Variants in GPX4 observed in about 807,000 individuals in gnomAD.
GPX4 encodes the protein phospholipid hydroperoxide glutathione peroxidase GPX4.
In GPX4, 28 loss-of-function variants were observed where a neutral mutation model predicts 27.8. The ratio of observed to expected loss-of-function variants is 1.01; its 90% CI spans 0.75 to 1.38. The LOEUF is 1.38. Among genes scored for constraint, GPX4 ranks in the 40% most tolerant of loss-of-function variants. The pLI is 0.00. For synonymous variants in GPX4, 163 were observed against 107.8 expected (o/e 1.51, Z -3.17); for missense variants, 357 against 274.1 (o/e 1.30, Z -2.14).
intron 4 of GPX4, 42 bp downstream of exon 4, chr19:1,105,851 TGG>T (rs762541815): frequency 8.5e-5 from 18 of 211,714 alleles, no homozygotes; most frequent in South Asian, 6.9e-4. Context: ...GGGGTGGGGG[TGG>T]GGGGGCTGCT....
intron 5 of GPX4, 56 bp from the exon 6 acceptor site, chr19:1,106,344 G>A (rs1414212870): frequency 4.3e-6 from 7 of 1,610,838 alleles, no homozygotes; most frequent in South Asian, 1.1e-5. Flanking sequence ...GACAGGAAGG[G>A]CAGCCTCAGC....
intron 1 of GPX4, chr19:1,104,591 C>A: frequency 2.1e-6 from 2 of 974,106 alleles, no homozygotes; most frequent in Non-Finnish European, 2.4e-6. Flanking sequence ...GGATCACGCG[C>A]CCCCGGGCGC....
rs1462014934 is a variant in GPX4, at chr19:1,106,086, C to T, written c.477-156C>T. On this transcript the variant is annotated intron_variant, in intron 4 of 6. Transcript: ENST00000354171. ...CTGTTGGGACTCTCACACTGCATGG[C>T]CTCCTGGGGTAAGATGGCTCTGGGG... The T allele has an allele frequency of 2.0e-5, 14 of 717,190 alleles. No individual in the cohort carries two copies. In the East Asian group the frequency reaches 2.5e-4, roughly 13 times the overall value. 44.4% of individuals were successfully genotyped at this position (717,190 alleles called of 1,614,324 possible).
intron 1 of GPX4, chr19:1,104,739 G>A: frequency 1.0e-6 from 1 of 985,740 alleles, no homozygotes; most frequent in Non-Finnish European, 1.2e-6. Context: ...GCGGGTATGG[G>A]CCGCGCGGGC....
rs771277721 is a variant in GPX4 at position 1,105,845 on chromosome 19, TG to T, written c.476+41del. The T allele has an allele frequency of 3.3e-4, 30 of 92,042 alleles. No homozygotes were observed. The African/African-American group carries it at 6.8e-3, about 21-fold the overall frequency. 5.7% of individuals were successfully genotyped at this position (92,042 alleles called of 1,614,324 possible). ...TCTGGGGACAGTACGGCTGCTGGGG[TG>T]GGGGTGGGGGGGCTGCTGGGATGCT... On this transcript the variant is annotated intron_variant, in intron 4 of 6. Transcript: ENST00000354171.
intron 4 of GPX4, 109 bp downstream of exon 4, chr19:1,105,918 G>A (rs1310536169): frequency 1.8e-5 from 24 of 1,331,030 alleles, no homozygotes; most frequent in African/African-American, 4.4e-5. Context: ...GGGCGGTTGC[G>A]GGGAGGTGCT....
chr19:1,105,811 T>C lies in GPX4; in HGVS notation c.476+2T>C. 8.0e-7 allele frequency: 1 copy of C among 1,251,532 alleles called. No individual in the cohort carries two copies. Among genetic ancestry groups the C allele is most frequent in the Non-Finnish European group, 1.1e-6 (1 of 952,338 alleles). 77.5% of individuals were successfully genotyped at this position (1,251,532 alleles called of 1,614,324 possible). A position where few individuals can be genotyped will look rare whatever the true frequency, so the allele number is the denominator to read the frequency against. ...CAAGGGCAAGGGCATCCTGGGAAAG[T>C]GCGTGACCTCTGGGGACAGTACGGC... On this transcript the variant is annotated splice_donor_variant, in intron 4 of 6. Transcript: ENST00000354171. LOFTEE classifies it high-confidence loss of function.
intron 6 of GPX4, 28 bp from the exon 7 acceptor site, chr19:1,106,512 G>A (rs2079659486): frequency 6.2e-7 from 1 of 1,611,052 alleles, no homozygotes; most frequent in South Asian, 1.1e-5. Context: ...GGAGGTAGCT[G>A]CCCTAACCCA....
In GPX4 at chr19:1,105,455, A is replaced by T. The variant is rs762088801; in HGVS notation, c.269A>T (p.Tyr90Phe). 1.2e-6 allele frequency: 2 copies of T among 1,611,102 alleles called. No homozygotes were observed. The highest frequency in any genetic ancestry group is 1.7e-6 in the Non-Finnish European group (2 of 1,179,136). Residue 90 changes from tyrosine (Y) to phenylalanine (F), a missense_variant, in exon 3 of 7, where the codon TAC becomes TTC. Tyr to Phe is a conservative substitution (Grantham distance 22, BLOSUM62 3). Transcript: ENST00000354171. Reference sequence around the variant, plus strand: ...CAGCTCGTCGACCTGCACGCCCGATACGCTGAGTGTGGTTTGCGGATCCTG... The same window carrying T: ...CAGCTCGTCGACCTGCACGCCCGATTCGCTGAGTGTGGTTTGCGGATCCTG... ...YTQLVDLHAR[Y>F]AECGLRILAF...
At position 1,104,062 on chromosome 19, in the gene GPX4, T is replaced by G; in HGVS notation, c.19T>G (p.Cys7Gly). 1 of 1,519,674 alleles carries G rather than the reference T, an allele frequency of 6.6e-7. No individual in the cohort carries two copies. Among genetic ancestry groups the G allele is most frequent in the Non-Finnish European group, 8.8e-7 (1 of 1,140,128 alleles). The allele number at this position is 1,519,674 out of a possible 1,614,324, so 94.1% of individuals were successfully genotyped here. A position where few individuals can be genotyped will look rare whatever the true frequency, so the allele number is the denominator to read the frequency against. Residue 7 changes from cysteine to glycine, a missense_variant, in exon 1 of 7, where the codon TGC (cysteine) becomes GGC (glycine). By Grantham distance (159) the Cys-to-Gly change is radical. Transcript: ENST00000354171. Reference protein sequence around the residue: MSLGRLCRLLKPALLCG... With the variant: MSLGRLGRLLKPALLCG... The stretch of plus-strand genomic sequence containing the variant: ...CGCCGCGATGAGCCTCGGCCGCCTT[T>G]GCCGCCTACTGAAGCCGGCGCTGCT...
rs777518288 is a variant in GPX4 at position 1,105,361 on chromosome 19, C to G, written c.180-5C>G. On this transcript the variant is annotated splice_polypyrimidine_tract_variant and splice_region_variant and intron_variant, in intron 2 of 6. Transcript: ENST00000354171. ...CTTCTGCGCTGACGCCGCCGATCCT[C>G]GCAGGGGCTTCGTGTGCATCGTCAC... 36 of 1,611,094 alleles carry G rather than the reference C, an allele frequency of 2.2e-5. No homozygotes were observed. In the African/African-American group the frequency reaches 2.7e-4, roughly 12 times the overall value.
Position 1,104,146 on chromosome 19 carries a change from C to T in GPX4, c.84+19C>T, listed in dbSNP as rs1414612616. 3 of 1,441,366 alleles carry T rather than the reference C, an allele frequency of 2.1e-6. No individual in the cohort carries two copies. Among genetic ancestry groups the T allele is most frequent in the Non-Finnish European group, 2.7e-6 (3 of 1,104,102 alleles). The allele number at this position is 1,441,366 out of a possible 1,614,324, so 89.3% of individuals were successfully genotyped here. A position where few individuals can be genotyped will look rare whatever the true frequency, so the allele number is the denominator to read the frequency against. On this transcript the variant is annotated intron_variant, in intron 1 of 6. Coordinates refer to ENST00000354171, the MANE Select transcript of GPX4 (RefSeq NM_002085.5). ...GACCATGGTGAGCTAGCGCCGCGGC[C>T]GTTGCCGGCCCGGTGACCGTTGGGG...
chr19:1,105,135 C>T (rs1366003839), intron 1 of GPX4, 51 bp from the exon 2 acceptor site: 2 of 1,598,926 alleles, frequency 1.3e-6, no homozygotes, highest in East Asian at 2.2e-5. Context: ...CTCAGGGTCC[C>T]GGGCTCAGCC....
Position 1,106,418 on chromosome 19 carries a change from G to T in GPX4, c.520G>T (p.Gly174Cys), listed in dbSNP as rs746824565. The T allele has an allele frequency of 1.2e-6, 2 of 1,613,474 alleles. No homozygotes were observed. Among genetic ancestry groups the T allele is most frequent in the Non-Finnish European group, 1.7e-6 (2 of 1,179,930 alleles). Residue 174 changes from glycine (G) to cysteine (C), a missense_variant, in exon 6 of 7, where the codon GGC (glycine) becomes TGC (cysteine). Physicochemically the swap from Gly to Cys is radical, Grantham distance 159. Coordinates refer to ENST00000354171, the MANE Select transcript of GPX4 (RefSeq NM_002085.5). ...NFTKFLIDKN[G>C]CVVKRYGPME... is the part of the protein sequence containing the mutation. ...TCCACAGTTCCTCATCGACAAGAAC[G>T]GCTGCGTGGTGAAGCGCTACGGACC...
At position 1,104,022 on chromosome 19, in the gene GPX4, G is replaced by T; in HGVS notation, c.-22G>T. 2 of 1,514,500 alleles carry T rather than the reference G, an allele frequency of 1.3e-6. No individual in the cohort carries two copies. The highest frequency in any genetic ancestry group is 1.8e-6 in the Non-Finnish European group (2 of 1,137,088). The allele number at this position is 1,514,500 out of a possible 1,614,324, so 93.8% of individuals were successfully genotyped here. On this transcript the variant is annotated 5_prime_UTR_variant, in exon 1 of 7. Transcript: ENST00000354171. ...GGTCGGCTGGACGAGGGGAGGAGCC[G>T]CTGGCTCCCAGCCCCGCCGCGATGA...
In GPX4 at chr19:1,106,444, C is replaced by T; in HGVS notation, c.546C>T (p.Pro182=). Reference sequence around the variant, plus strand: ...GCTGCGTGGTGAAGCGCTACGGACCCATGGAGGAGCCCCTGGTAGGTCCTC... The same window carrying T: ...GCTGCGTGGTGAAGCGCTACGGACCTATGGAGGAGCCCCTGGTAGGTCCTC... The part of the protein sequence containing the change: ...KNGCVVKRYG[P]MEEPLVIEKD... Residue 182 remains proline, a synonymous_variant, in exon 6 of 7, where the codon CCC becomes CCT. Coordinates refer to ENST00000354171, the MANE Select transcript of GPX4 (RefSeq NM_002085.5). 2 of 1,613,430 alleles carry T rather than the reference C, an allele frequency of 1.2e-6. No homozygotes were observed. Among genetic ancestry groups the T allele is most frequent in the South Asian group, 2.2e-5 (2 of 91,082 alleles).
Position 1,105,647 on chromosome 19 carries a change from G to A in GPX4, c.325-11G>A. 2.5e-6 allele frequency: 4 copies of A among 1,611,932 alleles called. No homozygotes were observed. The highest frequency in any genetic ancestry group is 3.4e-6 in the Non-Finnish European group (4 of 1,179,306). ...AGCCCCCGACTCACTCACACACCTTGGCCGCCACAGGAGCCAGGGAGTAAC... is the reference window on the plus strand; with the variant it reads ...AGCCCCCGACTCACTCACACACCTTAGCCGCCACAGGAGCCAGGGAGTAAC... On this transcript the variant is annotated splice_polypyrimidine_tract_variant and intron_variant, in intron 3 of 6. Coordinates refer to ENST00000354171, the MANE Select transcript of GPX4 (RefSeq NM_002085.5).
In GPX4 at chr19:1,105,690, C is replaced by G. The variant is rs757440433; in HGVS notation, c.357C>G (p.Phe119Leu). 1 of 1,612,774 alleles carries G rather than the reference C, an allele frequency of 6.2e-7. No individual in the cohort carries two copies. Among genetic ancestry groups the G allele is most frequent in the Non-Finnish European group, 8.5e-7 (1 of 1,179,580 alleles). The change falls in exon 4 of 7, where the codon TTC (phenylalanine) becomes TTG (leucine). Residue 119 changes from phenylalanine to leucine, a missense_variant. Phe to Leu is a conservative substitution (Grantham distance 22, BLOSUM62 0). Coordinates refer to ENST00000354171, the MANE Select transcript of GPX4 (RefSeq NM_002085.5). ...GGAGTAACGAAGAGATCAAAGAGTT[C>G]GCCGCGGGCTACAACGTCAAATTCG... ...EPGSNEEIKE[F>L]AAGYNVKFDM...
At chr19:1,105,539 G>A (rs2072103) in intron 3 of GPX4, 29 bp downstream of exon 3, 1 of 1,609,254 alleles carries the variant, frequency 6.2e-7, no homozygotes. Flanking sequence ...GGGGCCCGCA[G>A]AGGCGGGTGG....
Sources: gnomAD v4.1 joint callset for allele counts on GRCh38, gnomAD v4.1.1 for gene constraint, MANE v1.5 for transcripts, NCBI Gene and HGNC (gene_info 2026-07-23, HGNC 2026-07-21) for gene names.